AMPD1: variants seen among roughly 807,000 people sequenced by gnomAD.
AMPD1 encodes the protein adenosine monophosphate deaminase 1, also known as AMP deaminase 1.
Under a neutral mutation model 82.9 loss-of-function variants are expected in AMPD1, and 74 were observed. The ratio of observed to expected loss-of-function variants is 0.89; its 90% CI spans 0.74 to 1.08. The LOEUF (loss-of-function observed/expected upper bound fraction) is 1.08. Ranked by LOEUF, AMPD1 falls within the 50% of genes least tolerant of loss-of-function variation. The pLI, the probability that AMPD1 is intolerant of heterozygous loss-of-function variation, is 0.00. For synonymous variants in AMPD1, 333 were observed against 320.5 expected, an observed-to-expected ratio of 1.04 and a Z score of -0.42; for missense variants, 881 against 924.5, an observed-to-expected ratio of 0.95 and a Z score of 0.61.
Position 114,675,732 on chromosome 1 carries a change from A to G in AMPD1, c.1516-39T>C, listed in dbSNP as rs375744047. 9.9e-6 allele frequency: 16 copies of G among 1,613,838 alleles called. No individual in the cohort carries two copies. The East Asian group carries it at 1.3e-4, about 13-fold the overall frequency. On this transcript the variant is annotated intron_variant, in intron 11 of 15. Coordinates refer to ENST00000520113, the MANE Select transcript of AMPD1 (RefSeq NM_000036.3). ...TGAGCCATGCAATGGGTTCAGTCCA[A>G]CTTCAGGGTCCCAGTCCTCACACAA...
intron 2 of AMPD1, among the ~76,000 whole-genome samples, chr1:114,692,709 A>G (rs1191370122): frequency 6.6e-6 from 1 of 151,910 alleles, no homozygotes; most frequent in Non-Finnish European, 1.5e-5. Context: ...AAACAAATAA[A>G]TAAAATAGGT....
In AMPD1 at chr1:114,674,867, C is replaced by T. The variant is rs779833873; in HGVS notation, c.1685G>A (p.Arg562Gln). 3.5e-5 allele frequency: 57 copies of T among 1,613,974 alleles called. No homozygotes were observed. The highest frequency in any genetic ancestry group is 4.4e-5 in the Non-Finnish European group (52 of 1,179,992). Residue 562 changes from arginine to glutamine, a missense_variant, in exon 13 of 16, where the codon CGA becomes CAA. Arg to Gln is a conservative substitution (Grantham distance 43, BLOSUM62 1). This residue lies in a region of AMPD1 where 783 missense variants were observed against 786.4 expected (regional missense o/e 1.00). Coordinates refer to ENST00000520113, the MANE Select transcript of AMPD1 (RefSeq NM_000036.3). ...IMVLNSLRKE[R>Q]GMNTFLFRPH... ...TCGGAACAGAAACGTATTCATGCCT[C>T]GTTCCCTGGGGAAATAGAACTGCTA... is the stretch of plus-strand genomic sequence containing the variant.
Position 114,677,904 on chromosome 1 carries a change from C to A in AMPD1, c.1224+6G>T, listed in dbSNP as rs1015693996. 17 of 1,611,720 alleles carry A rather than the reference C, an allele frequency of 1.1e-5. No individual in the cohort carries two copies. Among genetic ancestry groups the A allele is most frequent in the Non-Finnish European group, 1.4e-5 (17 of 1,179,150 alleles). On this transcript the variant is annotated splice_donor_region_variant and intron_variant, in intron 9 of 15. Transcript: ENST00000520113. ...GATACCATAGATGTGATTGGTTCCG[C>A]CTCACCTTGATGATAGTGGCAAAAT...
chr1:114,677,979 A>G lies in AMPD1; in HGVS notation c.1155T>C (p.Ser385=). ...FNDKYNPVGA[S]ELRDLYLKTD... ...TCTTCAAGTAGAGGTCCCGTAGCTC[A>G]CTTGCTCCTACAGGATTATATTTGT... The change falls in exon 9 of 16, where the codon AGT becomes AGC. Residue 385 remains serine, a synonymous_variant. Coordinates refer to ENST00000520113, the MANE Select transcript of AMPD1 (RefSeq NM_000036.3). The G allele has an allele frequency of 1.9e-6, 3 of 1,613,872 alleles. No homozygotes were observed. In the Admixed American group the frequency reaches 5.0e-5, roughly 27 times the overall value.
chr1:114,689,204 A>G (rs539492237), intron 2 of AMPD1, among the ~76,000 whole-genome samples: 1 of 152,346 alleles, frequency 6.6e-6, no homozygotes, highest in African/African-American at 2.4e-5. Flanking sequence ...CCGGTGATCT[A>G]AGTAGTTCTG....
chr1:114,678,806 C>T (rs987521236), intron 7 of AMPD1, among the ~76,000 whole-genome samples: 7 of 152,180 alleles, frequency 4.6e-5, no homozygotes, highest in African/African-American at 1.7e-4. Flanking sequence ...TCCACACATT[C>T]TTCTGGACCA....
chr1:114,673,683 C>T lies in AMPD1; in HGVS notation c.2041G>A (p.Glu681Lys), dbSNP rs374697989. ...VFKLSTCDMCEVARNSVLQCG... is the reference protein window; with the variant it reads ...VFKLSTCDMCKVARNSVLQCG... ...TGCAAGACACTGTTCCTTGCCACTT[C>T]GCACATATCACAGGTGCTCAGCTTG... The change falls in exon 15 of 16, where the codon GAA becomes AAA. Residue 681 changes from glutamate (E) to lysine (K), a missense_variant. Transcript: ENST00000520113. The T allele has an allele frequency of 8.7e-6, 14 of 1,614,106 alleles. No homozygotes were observed. Among genetic ancestry groups the T allele is most frequent in the African/African-American group, 2.7e-5 (2 of 75,044 alleles).
chr1:114,686,326 A>C (rs1658316997), intron 4 of AMPD1, among the ~76,000 whole-genome samples: 1 of 151,752 alleles, frequency 6.6e-6, no homozygotes, highest in Non-Finnish European at 1.5e-5. Context: ...TGCTATCTGC[A>C]ACCCTTCTCA....
At chr1:114,679,983 G>A (rs912887207) in intron 6 of AMPD1, among the ~76,000 whole-genome samples, 1 of 152,210 alleles carries the variant, frequency 6.6e-6, no homozygotes, top group South Asian at 2.1e-4. Flanking sequence ...CAGCAGATTC[G>A]AGTGTGAATC....
Position 114,674,801 on chromosome 1 carries a change from G to A in AMPD1, c.1751C>T (p.Thr584Ile). 6.2e-7 allele frequency: 1 copy of A among 1,612,612 alleles called. No individual in the cohort carries two copies. Among genetic ancestry groups the A allele is most frequent in the Non-Finnish European group, 8.5e-7 (1 of 1,178,590 alleles). The change falls in exon 13 of 16, where the codon ACA (threonine) becomes ATA (isoleucine). Residue 584 changes from threonine (T) to isoleucine (I), a missense_variant. Around this residue, in one of 2 missense-constraint regions of AMPD1, gnomAD observed 783 missense variants for 786.4 expected, o/e 1.00. Coordinates refer to ENST00000520113, the MANE Select transcript of AMPD1 (RefSeq NM_000036.3). Reference sequence around the variant, plus strand: ...GATATCATCTGCTATCATGAATGCTGTCATGAGATGGGTGAGGGCTCCAGC... The same window carrying A: ...GATATCATCTGCTATCATGAATGCTATCATGAGATGGGTGAGGGCTCCAGC... Reference protein sequence around the residue: ...GEAGALTHLMTAFMIADDISH... With the variant: ...GEAGALTHLMIAFMIADDISH...
chr1:114,675,561 C>T lies in AMPD1; in HGVS notation c.1648G>A (p.Ala550Thr), dbSNP rs1199274730. Residue 550 changes from alanine to threonine, a missense_variant, in exon 12 of 16, where the codon GCA becomes ACA. By Grantham distance (58) the Ala-to-Thr change is moderately conservative (BLOSUM62 0). Coordinates refer to ENST00000520113, the MANE Select transcript of AMPD1 (RefSeq NM_000036.3). ...AGGCTGTTGAGCACCATGATGTTTG[C>T]ATACATGTAGTAGGCATAGTAAGTG... is the stretch of plus-strand genomic sequence containing the variant. ...SYTYYAYYMY[A>T]NIMVLNSLRK... 6.2e-7 allele frequency: 1 copy of T among 1,614,162 alleles called. No individual in the cohort carries two copies.
At chr1:114,680,508 T>C in intron 5 of AMPD1, 30 bp from the exon 6 acceptor site, 1 of 1,587,012 alleles carries the variant, frequency 6.3e-7, no homozygotes, top group Non-Finnish European at 8.7e-7. Context: ...AGTAATATAT[T>C]AGCACATAGG....
chr1:114,674,244 A>AT (rs1321774475), intron 13 of AMPD1, among the ~76,000 whole-genome samples, 162 bp from the exon 14 acceptor site: 15 of 152,190 alleles, frequency 9.9e-5, no homozygotes. Flanking sequence ...TTCAATGTAA[A>AT]TGCTATTTAG....
Position 114,674,863 on chromosome 1 carries a change from G to A in AMPD1, c.1689C>T (p.Gly563=), listed in dbSNP as rs1390364824. The A allele has an allele frequency of 6.2e-7, 1 of 1,614,148 alleles. No individual in the cohort carries two copies. The highest frequency in any genetic ancestry group is 1.1e-5 in the South Asian group (1 of 91,084). The change falls in exon 13 of 16, where the codon GGC becomes GGT. Residue 563 remains glycine, a synonymous_variant. Coordinates refer to ENST00000520113, the MANE Select transcript of AMPD1 (RefSeq NM_000036.3). ...MVLNSLRKER[G]MNTFLFRPHC... ...GAGGTCGGAACAGAAACGTATTCAT[G>A]CCTCGTTCCCTGGGGAAATAGAACT...
Position 114,679,573 on chromosome 1 carries a change from G to A in AMPD1, c.897+6C>T. 7 of 1,613,698 alleles carry A rather than the reference G, an allele frequency of 4.3e-6. No individual in the cohort carries two copies. The highest frequency in any genetic ancestry group is 2.2e-5 in the East Asian group (1 of 44,848). ...GGAATTACCCCTGAGCAACTAAAAT[G>A]TTTACCTTCCTGCAGTTATAAAAAT... On this transcript the variant is annotated splice_donor_region_variant and intron_variant, in intron 7 of 15. Coordinates refer to ENST00000520113, the MANE Select transcript of AMPD1 (RefSeq NM_000036.3).
intron 2 of AMPD1, among the ~76,000 whole-genome samples, chr1:114,690,562 A>C (rs756616050): frequency 6.6e-6 from 1 of 152,176 alleles, no homozygotes; most frequent in African/African-American, 2.4e-5. Flanking sequence ...GCCAAACTTC[A>C]TGCATCTATT....
At position 114,675,661 on chromosome 1, in the gene AMPD1, G is replaced by T; in HGVS notation, c.1548C>A (p.Ser516=). 1 of 1,614,154 alleles carries T rather than the reference G, an allele frequency of 6.2e-7. No homozygotes were observed. Among genetic ancestry groups the T allele is most frequent in the Admixed American group, 1.7e-5 (1 of 60,024 alleles). Residue 516 remains serine, a synonymous_variant, in exon 12 of 16, where the codon TCC becomes TCA. Coordinates refer to ENST00000520113, the MANE Select transcript of AMPD1 (RefSeq NM_000036.3). ...ITGFDSVDDE[S]KHSGHMFSSK... is the part of the protein sequence containing the mutation. ...AGGAGAACATGTGGCCACTGTGTTT[G>T]GACTCATCATCCACACTGTCAAAGC...
chr1:114,689,147 G>A (rs1360481288), intron 2 of AMPD1, among the ~76,000 whole-genome samples: 6 of 152,158 alleles, frequency 3.9e-5, no homozygotes, highest in Non-Finnish European at 1.5e-5. Flanking sequence ...TATGTGGATA[G>A]GGTTATTGGT....
chr1:114,675,995 A>G lies in AMPD1; in HGVS notation c.1397T>C (p.Phe466Ser), dbSNP rs1657970905. 1 of 1,613,938 alleles carries G rather than the reference A, an allele frequency of 6.2e-7. No individual in the cohort carries two copies. Among genetic ancestry groups the G allele is most frequent in the Non-Finnish European group, 8.5e-7 (1 of 1,180,022 alleles). ...MIQVPRIYDV[F>S]RSKNFLPHFG... Reference sequence around the variant, plus strand: ...ATGTGGAAGGAAATTCTTGGAACGGAACACATCACTAGAGGCAAGAATGAA... The same window carrying G: ...ATGTGGAAGGAAATTCTTGGAACGGGACACATCACTAGAGGCAAGAATGAA... The change falls in exon 11 of 16, where the codon TTC becomes TCC. Residue 466 changes from phenylalanine to serine, a missense_variant. Physicochemically the swap from Phe to Ser is radical, Grantham distance 155. Around this residue, in one of 2 missense-constraint regions of AMPD1, gnomAD observed 783 missense variants for 786.4 expected, o/e 1.00. Coordinates refer to ENST00000520113, the MANE Select transcript of AMPD1 (RefSeq NM_000036.3).
Sources: allele counts gnomAD v4.1 joint callset (sites outside exome capture counted in the v4.1 genomes callset), GRCh38; gene constraint gnomAD v4.1.1; regional missense constraint gnomAD v4.1.1; transcripts MANE v1.5; gene names NCBI Gene and HGNC (gene_info 2026-07-23, HGNC 2026-07-21).